Variants in PIP4K2B observed in about 807,000 individuals in gnomAD.
PIP4K2B encodes the protein phosphatidylinositol-5-phosphate 4-kinase type 2 beta, also known as phosphatidylinositol 5-phosphate 4-kinase type-2 beta.
Under a neutral mutation model 42.0 loss-of-function variants are expected in PIP4K2B, and 3 were observed. That is an observed-to-expected ratio of 0.07 (90% CI 0.03 to 0.18). PIP4K2B has a LOEUF of 0.18. Among genes scored for constraint, PIP4K2B ranks in the 10% least tolerant of loss-of-function variants. The pLI is 1.00. For missense variants in PIP4K2B, 332 were observed against 562.3 expected, an observed-to-expected ratio of 0.59 and a Z score of 4.14; for synonymous variants, 204 against 210.1, an observed-to-expected ratio of 0.97 and a Z score of 0.25.
chr17:38,776,854 A>G (rs142016310), intron 7 of PIP4K2B, among the ~76,000 whole-genome samples: 5 of 152,284 alleles, frequency 3.3e-5, no homozygotes, highest in African/African-American at 1.2e-4. Flanking sequence ...GAAGTTTGCT[A>G]GGTAAGTGGA....
chr17:38,793,181 G>A (rs1242082631), intron 1 of PIP4K2B, among the ~76,000 whole-genome samples: 5 of 151,740 alleles, frequency 3.3e-5, no homozygotes, highest in South Asian at 2.1e-4. Context: ...CGCCTGCCTC[G>A]GCCTCCCAAA....
In PIP4K2B at chr17:38,798,112, G is replaced by A. The variant is rs180748646; in HGVS notation, c.159+1154C>T. ...AGCTCCTCTGCCAAAGCAATGCAAA[G>A]TCTTGCTGGCCCTCTTTGTCATCGC... is the stretch of plus-strand genomic sequence containing the variant. On this transcript the variant is annotated intron_variant, in intron 1 of 9. Coordinates refer to ENST00000619039, the MANE Select transcript of PIP4K2B (RefSeq NM_003559.5). 2.0e-5 allele frequency among the ~76,000 whole-genome samples: 3 copies of A among 152,314 alleles called. No homozygotes were observed. The East Asian group carries it at 5.8e-4, about 29-fold the overall frequency.
intron 1 of PIP4K2B, among the ~76,000 whole-genome samples, chr17:38,787,610 T>G (rs932267274): frequency 6.6e-6 from 1 of 152,252 alleles, no homozygotes; most frequent in Non-Finnish European, 1.5e-5. Context: ...TCTTTTTCTT[T>G]GAGACGGAGT....
rs1432025708 is a variant in PIP4K2B at position 38,777,913 on chromosome 17, T to TA, written c.694-114dup. 15 of 765,336 alleles carry TA rather than the reference T, an allele frequency of 2.0e-5. No individual in the cohort carries two copies. In the East Asian group the frequency reaches 3.9e-4, roughly 20 times the overall value. 47.4% of individuals were successfully genotyped at this position (765,336 alleles called of 1,614,324 possible). On this transcript the variant is annotated intron_variant, in intron 6 of 9. Coordinates refer to ENST00000619039, the MANE Select transcript of PIP4K2B (RefSeq NM_003559.5). ...AAAGGGGAAGGAGGGGTTGTCAGTG[T>TA]ACCGACCCTCAACCTGCTAAATCAG...
chr17:38,779,773 G>T (rs1034263168), intron 4 of PIP4K2B: 1 of 493,030 alleles, frequency 2.0e-6, no homozygotes, highest in Non-Finnish European at 3.6e-6. Flanking sequence ...CAGAGCCCCT[G>T]TGGGTTCATA....
chr17:38,784,361 T>A (rs1048649877), intron 2 of PIP4K2B, 22 bp from the exon 3 acceptor site: 3 of 1,396,664 alleles, frequency 2.1e-6, no homozygotes, highest in Non-Finnish European at 3.1e-6. Context: ...CAGAGATATG[T>A]CTTTGTGAAC....
chr17:38,772,406 C>A (rs1262694683), intron 7 of PIP4K2B, among the ~76,000 whole-genome samples: 2 of 152,218 alleles, frequency 1.3e-5, no homozygotes, highest in Non-Finnish European at 2.9e-5. Context: ...TATATCCACA[C>A]TGTATGCACT....
At position 38,771,206 on chromosome 17, in the gene PIP4K2B, C is replaced by G. The variant is rs775864773; in HGVS notation, c.874G>C (p.Glu292Gln). 1 of 1,614,172 alleles carries G rather than the reference C, an allele frequency of 6.2e-7. No individual in the cohort carries two copies. ...LVGIHDVDRA[E>Q]QEEMEVEERA... is the part of the protein sequence containing the mutation. ...TCCTCCACCTCCATCTCCTCCTGCT[C>G]TGCCCGGTCCACGTCGTGGATGCCC... Residue 292 changes from glutamate (E) to glutamine (Q), a missense_variant, in exon 8 of 10, where the codon GAG becomes CAG. By Grantham distance (29) the Glu-to-Gln change is conservative. Transcript: ENST00000619039.
At chr17:38,786,008 ATTAC>A (rs1909991282) in intron 2 of PIP4K2B, among the ~76,000 whole-genome samples, 1 of 152,202 alleles carries the variant, frequency 6.6e-6, no homozygotes, top group Non-Finnish European at 1.5e-5. Context: ...ACAAGATGGT[ATTAC>A]TTACTATGGC....
rs532333996 is a variant in PIP4K2B, at chr17:38,787,250, C to A, written c.160-330G>T. ...AAGTTCTCACTGTCCTGAGCTCAAG[C>A]AATCCTCCAGACTTGGCCTCCCAAA... On this transcript the variant is annotated intron_variant, in intron 1 of 9. Coordinates refer to ENST00000619039, the MANE Select transcript of PIP4K2B (RefSeq NM_003559.5). Among the ~76,000 whole-genome samples, 3 of 152,274 alleles carry A rather than the reference C, an allele frequency of 2.0e-5. No individual in the cohort carries two copies. The East Asian group carries it at 5.8e-4, about 29-fold the overall frequency.
At chr17:38,796,258 T>C (rs1018045973) in intron 1 of PIP4K2B, among the ~76,000 whole-genome samples, 2 of 152,226 alleles carry the variant, frequency 1.3e-5, no homozygotes, top group Non-Finnish European at 1.5e-5. Context: ...GGAACTCTTA[T>C]ACACTGCTGG....
intron 1 of PIP4K2B, among the ~76,000 whole-genome samples, chr17:38,793,360 C>A (rs919382065): frequency 2.0e-5 from 3 of 151,848 alleles, no homozygotes; most frequent in Non-Finnish European, 2.9e-5. Flanking sequence ...TCTCCTGCCT[C>A]AGCCTCCCGA....
At chr17:38,794,177 G>C (rs1910494084) in intron 1 of PIP4K2B, among the ~76,000 whole-genome samples, 1 of 152,160 alleles carries the variant, frequency 6.6e-6, no homozygotes, top group East Asian at 1.9e-4. Context: ...TCTGCTATGT[G>C]CAACATGGAT....
Position 38,780,609 on chromosome 17 carries a change from TAATCGAGAC to T in PIP4K2B, c.355-14_355-6del, listed in dbSNP as rs749799700. The T allele has an allele frequency of 6.2e-7, 1 of 1,606,118 alleles. No individual in the cohort carries two copies. Among genetic ancestry groups the T allele is most frequent in the East Asian group, 2.2e-5 (1 of 44,606 alleles). On this transcript the variant is annotated splice_polypyrimidine_tract_variant and splice_region_variant and intron_variant, in intron 3 of 9. Coordinates refer to ENST00000619039, the MANE Select transcript of PIP4K2B (RefSeq NM_003559.5). ...GGCGCTGCGCGTCACTGAATTCTGATAATCGAGACAAAAGAAGGCTGGGCTTGGCAGGGG... is the reference window on the plus strand; with the variant it reads ...GGCGCTGCGCGTCACTGAATTCTGATAAAAGAAGGCTGGGCTTGGCAGGGG...
At chr17:38,770,079 A>G (rs984665934) in intron 9 of PIP4K2B, among the ~76,000 whole-genome samples, 9 of 152,214 alleles carry the variant, frequency 5.9e-5, no homozygotes, top group African/African-American at 1.7e-4. Context: ...TCAGGCCCAC[A>G]GGGAAACAGG....
At chr17:38,789,023 G>C (rs987690131) in intron 1 of PIP4K2B, among the ~76,000 whole-genome samples, 1 of 152,182 alleles carries the variant, frequency 6.6e-6, no homozygotes, top group Admixed American at 6.5e-5. Context: ...GGAGGCTGAG[G>C]TGGGAGGATT....
chr17:38,784,074 C>G (rs535698722), intron 3 of PIP4K2B, among the ~76,000 whole-genome samples, 169 bp downstream of exon 3: 1 of 152,280 alleles, frequency 6.6e-6, no homozygotes, highest in African/African-American at 2.4e-5. Flanking sequence ...AGGCCCTCGC[C>G]CTGCAAGGGG....
intron 1 of PIP4K2B, among the ~76,000 whole-genome samples, chr17:38,792,425 T>A (rs972839546): frequency 6.6e-6 from 1 of 152,194 alleles, no homozygotes; most frequent in Non-Finnish European, 1.5e-5. Context: ...TATGATTCTG[T>A]TGTACATATA....
chr17:38,787,536 A>C (rs150720678), intron 1 of PIP4K2B, among the ~76,000 whole-genome samples: 166 of 152,298 alleles, frequency 1.1e-3, no homozygotes, highest in African/African-American at 3.8e-3. Context: ...TATTGTAGTT[A>C]ATGCCTATAA....
Sources: gnomAD v4.1 joint callset for allele counts (sites outside exome capture counted in the v4.1 genomes callset) on GRCh38, gnomAD v4.1.1 for gene constraint, MANE v1.5 for transcripts, NCBI Gene and HGNC (gene_info 2026-07-23, HGNC 2026-07-21) for gene names.